Variants in FRMD4A observed in about 807,000 individuals in gnomAD.
FRMD4A encodes FERM domain-containing protein 4A.
A neutral mutation model predicts 129.1 loss-of-function variants in FRMD4A; 29 were observed. That is an observed-to-expected ratio of 0.22 (90% CI 0.17 to 0.31). The LOEUF (loss-of-function observed/expected upper bound fraction) is 0.31. FRMD4A is among the 10% of genes least tolerant of loss of function. The pLI is 1.00. For missense variants in FRMD4A, 1,272 were observed against 1,375.8 expected (o/e 0.92, Z 1.19); for synonymous variants, 634 against 571.6 (o/e 1.11, Z -1.56).
chr10:13,795,718 T>C (rs1286843295), intron 5 of FRMD4A, among the ~76,000 whole-genome samples: 2 of 152,188 alleles, frequency 1.3e-5, no homozygotes, highest in Non-Finnish European at 2.9e-5. Flanking sequence ...GGTGCCTCCA[T>C]AGACTGGGTG....
intron 2 of FRMD4A, among the ~76,000 whole-genome samples, chr10:14,263,398 C>A (rs1226101613): frequency 6.6e-6 from 1 of 152,176 alleles, no homozygotes; most frequent in East Asian, 1.9e-4. Flanking sequence ...AAGAATCACC[C>A]CAAATTTCCG....
At chr10:14,011,621 G>C (rs1398094056) in intron 2 of FRMD4A, among the ~76,000 whole-genome samples, 1 of 152,212 alleles carries the variant, frequency 6.6e-6, no homozygotes, top group African/African-American at 2.4e-5. Flanking sequence ...GAGAGCCATA[G>C]ATCTGAGTAT....
rs559226489 is a variant in FRMD4A at position 13,810,972 on chromosome 10, A to G, written c.112-64T>C. The G allele has an allele frequency of 6.4e-6, 5 of 781,264 alleles. No homozygotes were observed. In the African/African-American group the frequency reaches 8.7e-5, roughly 14 times the overall value. 48.4% of individuals were successfully genotyped at this position (781,264 alleles called of 1,614,324 possible). A position where few individuals can be genotyped will look rare whatever the true frequency, so the allele number is the denominator to read the frequency against. ...GAGACTGCTTTTCCTAAAATATGCA[A>G]TCTCAGGTTTCCATAATTTTTTCAA... On this transcript the variant is annotated intron_variant, in intron 3 of 24. Coordinates refer to ENST00000357447, the MANE Select transcript of FRMD4A (RefSeq NM_018027.5).
chr10:13,660,290 T>C, intron 20 of FRMD4A, 26 bp downstream of exon 20: 1 of 1,417,920 alleles, frequency 7.1e-7, no homozygotes, highest in Non-Finnish European at 1.0e-6. Context: ...GAGGCCTCAT[T>C]TGGCCTCATT....
chr10:13,643,766 G>A lies in FRMD4A; in HGVS notation c.*3272C>T, dbSNP rs13005. ...CAACACTGTTTTGCAAAATGTAAAG[G>A]TACTATACAAATTCTTAATACAAAA... On this transcript the variant is annotated 3_prime_UTR_variant, in exon 25 of 25. Coordinates refer to ENST00000357447, the MANE Select transcript of FRMD4A (RefSeq NM_018027.5). 0.56 allele frequency: 85,438 copies of A among 152,516 alleles called. 24,321 individuals carry two copies. Among genetic ancestry groups the A allele is most frequent in the East Asian group, 0.79 (4,080 of 5,180 alleles). 9.4% of individuals were successfully genotyped at this position (152,516 alleles called of 1,614,324 possible).
intron 15 of FRMD4A, among the ~76,000 whole-genome samples, chr10:13,682,021 A>G (rs1191663992): frequency 2.5e-4 from 38 of 151,956 alleles, no homozygotes; most frequent in Non-Finnish European, 1.0e-4. Context: ...AGAGTTTGAG[A>G]CCATCTTGGG....
At position 13,821,648 on chromosome 10, in the gene FRMD4A, A is replaced by C. The variant is rs113302052; in HGVS notation, c.112-10740T>G. On this transcript the variant is annotated intron_variant, in intron 3 of 24. Transcript: ENST00000357447. This position sits in a 1 kb window ranked among gnomAD's most constrained non-coding sequence, Gnocchi z 4.3. ...AGAAACACCTGAAGTAGACACCAGG[A>C]TTGCCCCCATGTGATAGAGGGAACT... Among the ~76,000 whole-genome samples, 3 of 152,310 alleles carry C rather than the reference A, an allele frequency of 2.0e-5. No homozygotes were observed. The highest frequency in any genetic ancestry group is 4.8e-5 in the African/African-American group (2 of 41,560).
At chr10:14,214,744 C>A (rs71479867) in intron 2 of FRMD4A, among the ~76,000 whole-genome samples, 1 of 152,182 alleles carries the variant, frequency 6.6e-6, no homozygotes, top group Non-Finnish European at 1.5e-5. Context: ...AGTCTACCAT[C>A]ATGGCATCTC....
chr10:14,215,923 T>C (rs1474828219), intron 2 of FRMD4A, among the ~76,000 whole-genome samples: 1 of 152,082 alleles, frequency 6.6e-6, no homozygotes, highest in Non-Finnish European at 1.5e-5. Flanking sequence ...ATCTTTACTC[T>C]CCTGCTCAGG....
chr10:13,795,525 C>T (rs2130822622), intron 5 of FRMD4A, among the ~76,000 whole-genome samples: 1 of 152,304 alleles, frequency 6.6e-6, no homozygotes, highest in South Asian at 2.1e-4. Context: ...CCTGATCATG[C>T]TCTTTAGGAA....
chr10:14,080,479 G>A (rs946464423), intron 2 of FRMD4A, among the ~76,000 whole-genome samples: 2 of 151,948 alleles, frequency 1.3e-5, no homozygotes, highest in African/African-American at 2.4e-5. Flanking sequence ...TCCAATTCAT[G>A]GGGAGGAATG....
intron 3 of FRMD4A, among the ~76,000 whole-genome samples, chr10:13,841,937 C>G (rs567752416): frequency 1.3e-3 from 196 of 152,284 alleles, no homozygotes; most frequent in African/African-American, 4.5e-3. Context: ...TGCTCTTAAA[C>G]CTGTGAAATC....
chr10:14,165,127 T>C (rs2131876075), intron 2 of FRMD4A, among the ~76,000 whole-genome samples: 1 of 152,202 alleles, frequency 6.6e-6, no homozygotes, highest in East Asian at 1.9e-4. Flanking sequence ...AAAGGACTAA[T>C]ATCCAGAATC....
At chr10:13,905,637 A>G (rs2094874092) in intron 2 of FRMD4A, among the ~76,000 whole-genome samples, 1 of 152,222 alleles carries the variant, frequency 6.6e-6, no homozygotes, top group Non-Finnish European at 1.5e-5. Flanking sequence ...TACACGCATT[A>G]TCTATAATTT....
At chr10:14,122,982 A>G (rs1306134341) in intron 2 of FRMD4A, among the ~76,000 whole-genome samples, 4 of 152,206 alleles carry the variant, frequency 2.6e-5, no homozygotes, top group Admixed American at 6.5e-5. Context: ...ATCATCCTAC[A>G]GTGGTATAGA....
At chr10:14,212,404 G>A (rs79631636) in intron 2 of FRMD4A, among the ~76,000 whole-genome samples, 1,630 of 152,230 alleles carry the variant, frequency 0.011, 28 homozygotes, top group African/African-American at 0.038. Flanking sequence ...GAGGACAAAG[G>A]CGTGGATCAG....
chr10:14,237,873 G>C (rs907430351), intron 2 of FRMD4A, among the ~76,000 whole-genome samples: 2 of 152,122 alleles, frequency 1.3e-5, no homozygotes, highest in African/African-American at 4.8e-5. Flanking sequence ...GGTCCTCCTC[G>C]GCCAGCTTCT....
chr10:13,864,698 C>T (rs1180412996), intron 2 of FRMD4A, among the ~76,000 whole-genome samples: 1 of 151,766 alleles, frequency 6.6e-6, no homozygotes, highest in Admixed American at 6.6e-5. Flanking sequence ...GCCTCAGCCT[C>T]CCGAGTAGCT....
chr10:14,073,303 G>T (rs973693818), intron 2 of FRMD4A, among the ~76,000 whole-genome samples: 7 of 152,088 alleles, frequency 4.6e-5, no homozygotes, highest in Non-Finnish European at 1.0e-4. Flanking sequence ...TGAAGGGAGG[G>T]CTACAAGGTG....
Sources: gnomAD v4.1 joint callset for allele counts (sites outside exome capture counted in the v4.1 genomes callset) on GRCh38, gnomAD v4.1.1 for gene constraint, Gnocchi (gnomAD v3.1) non-coding constraint, MANE v1.5 for transcripts, NCBI Gene and HGNC (gene_info 2026-07-23, HGNC 2026-07-21) for gene names.